Variants in SLC35F4 observed in about 807,000 individuals in gnomAD.
SLC35F4 encodes the protein solute carrier family 35 member F4, also known as chromosome 14 open reading frame 36.
SLC35F4 carries 24 observed loss-of-function variants against 44.2 expected under a neutral mutation model. The ratio of observed to expected loss-of-function variants is 0.54; its 90% CI spans 0.39 to 0.76. SLC35F4 has a LOEUF of 0.76. Among genes scored for constraint, SLC35F4 ranks in the 30% least tolerant of loss-of-function variants. SLC35F4 has a pLI of 0.00. For missense variants in SLC35F4, 562 were observed against 586.1 expected, an observed-to-expected ratio of 0.96 and a Z score of 0.42; for synonymous variants, 238 against 223.6, an observed-to-expected ratio of 1.06 and a Z score of -0.57.
chr14:57,911,486 T>C (rs1889215263), intron 1 of SLC35F4, among the ~76,000 whole-genome samples: 1 of 152,010 alleles, frequency 6.6e-6, no homozygotes, highest in African/African-American at 2.4e-5. Context: ...TGAGAGTGTT[T>C]ATCATGAATG....
chr14:57,582,780 A>C (rs238390), intron 3 of SLC35F4, among the ~76,000 whole-genome samples: 94,442 of 152,070 alleles, frequency 0.62, 29,837 homozygotes, highest in East Asian at 0.88. Flanking sequence ...AACTGAAATT[A>C]GTGTGCCTCA....
chr14:57,594,680 C>G (rs2070390200), intron 1 of SLC35F4, among the ~76,000 whole-genome samples: 1 of 152,208 alleles, frequency 6.6e-6, no homozygotes, highest in Non-Finnish European at 1.5e-5. Flanking sequence ...ATTTTCCACT[C>G]TACCCTTTTC....
intron 1 of SLC35F4, among the ~76,000 whole-genome samples, chr14:57,614,088 CATAAACAAGTT>C (rs2071667731): frequency 6.6e-6 from 1 of 152,164 alleles, no homozygotes; most frequent in African/African-American, 2.4e-5. Context: ...CATTTCCCCA[CATAAACAAGTT>C]ATAAACTGTG....
chr14:57,665,532 G>A (rs937754211), intron 1 of SLC35F4, among the ~76,000 whole-genome samples: 1 of 152,184 alleles, frequency 6.6e-6, no homozygotes, highest in Non-Finnish European at 1.5e-5. Flanking sequence ...CAGTATTCAA[G>A]ATTGATTTCG....
intron 1 of SLC35F4, among the ~76,000 whole-genome samples, chr14:57,970,629 C>A (rs1003036959): frequency 2.6e-5 from 4 of 152,116 alleles, no homozygotes; most frequent in Admixed American, 2.0e-4. Flanking sequence ...AGCGTTTTAT[C>A]CCCCCGTAGG....
At chr14:57,761,895 A>G (rs1280002884) in intron 1 of SLC35F4, among the ~76,000 whole-genome samples, 2 of 152,164 alleles carry the variant, frequency 1.3e-5, no homozygotes, top group Non-Finnish European at 2.9e-5. Flanking sequence ...TGTTACTTAA[A>G]AAAAAAGATG....
intron 1 of SLC35F4, among the ~76,000 whole-genome samples, chr14:57,720,587 T>C (rs2076058614): frequency 6.6e-6 from 1 of 152,108 alleles, no homozygotes; most frequent in South Asian, 2.1e-4. Context: ...ATTTGTCCAT[T>C]TCTTCTAGAC....
At chr14:57,662,351 G>A (rs2140240013) in intron 1 of SLC35F4, among the ~76,000 whole-genome samples, 1 of 152,272 alleles carries the variant, frequency 6.6e-6, no homozygotes, top group East Asian at 1.9e-4. Flanking sequence ...TTATATTGAG[G>A]TTTGGTCACA....
intron 1 of SLC35F4, among the ~76,000 whole-genome samples, chr14:57,644,738 A>G (rs2073421535): frequency 6.6e-6 from 1 of 152,184 alleles, no homozygotes; most frequent in African/African-American, 2.4e-5. Flanking sequence ...TAGGGTTTTT[A>G]TGGTTAGACC....
chr14:57,720,594 A>C (rs2076058774), intron 1 of SLC35F4, among the ~76,000 whole-genome samples: 1 of 152,034 alleles, frequency 6.6e-6, no homozygotes, highest in South Asian at 2.1e-4. Context: ...CATTTCTTCT[A>C]GACTGTGATG....
chr14:57,873,515 A>G (rs1888336375), intron 1 of SLC35F4, among the ~76,000 whole-genome samples: 3 of 152,228 alleles, frequency 2.0e-5, no homozygotes, highest in Admixed American at 1.3e-4. Flanking sequence ...GAAGACTACA[A>G]AGTGATGAGA....
intron 1 of SLC35F4, among the ~76,000 whole-genome samples, chr14:57,960,798 T>C (rs1226709425): frequency 1.3e-5 from 2 of 152,140 alleles, no homozygotes; most frequent in Middle Eastern, 3.4e-3. Flanking sequence ...CAGAGGCCAG[T>C]GGAAGAAGTT....
chr14:57,585,913 T>C (rs1399392213), intron 3 of SLC35F4, among the ~76,000 whole-genome samples: 5 of 152,204 alleles, frequency 3.3e-5, no homozygotes, highest in African/African-American at 1.2e-4. Flanking sequence ...AAGTAATTTA[T>C]AGATTCAATG....
chr14:57,743,833 T>C (rs1024504975), intron 1 of SLC35F4, among the ~76,000 whole-genome samples: 1 of 152,096 alleles, frequency 6.6e-6, no homozygotes, highest in Non-Finnish European at 1.5e-5. Flanking sequence ...CTCAATAAAA[T>C]ACTGGCAAAC....
chr14:57,693,974 T>G (rs1362167526), intron 1 of SLC35F4, among the ~76,000 whole-genome samples: 1 of 152,112 alleles, frequency 6.6e-6, no homozygotes, highest in Non-Finnish European at 1.5e-5. Context: ...ATGAAAAAAT[T>G]TCACCCAGTT....
intron 1 of SLC35F4, among the ~76,000 whole-genome samples, chr14:57,833,968 T>A (rs1265944467): frequency 6.6e-6 from 1 of 152,234 alleles, no homozygotes; most frequent in Non-Finnish European, 1.5e-5. Context: ...TCTCTTCACA[T>A]GTTAAAATAA....
chr14:57,915,692 GTGTTCAGTACCT>G (rs1483460638), intron 1 of SLC35F4, among the ~76,000 whole-genome samples: 1 of 152,118 alleles, frequency 6.6e-6, no homozygotes, highest in Non-Finnish European at 1.5e-5. Context: ...CTTTACTTGA[GTGTTCAGTACCT>G]TGTTCCTCAT....
intron 1 of SLC35F4, among the ~76,000 whole-genome samples, chr14:57,841,837 T>C (rs1241923623): frequency 1.3e-5 from 2 of 151,974 alleles, no homozygotes; most frequent in African/African-American, 4.8e-5. Context: ...CAAAAAAAAA[T>C]GGAAAGCTAG....
At position 57,880,146 on chromosome 14, in the gene SLC35F4, G is replaced by A. The variant is rs529360477; in HGVS notation, n.282+101767C>T. On this transcript the variant is annotated intron_variant and non_coding_transcript_variant, in intron 1 of 1. Coordinates refer to the SLC35F4 transcript ENST00000556568. Reference sequence around the variant, plus strand: ...TTTGAAATATTTTCAGGGCTTCACAGTTTCTACAGTTTCCTCATTTTTAAA... The same window carrying A: ...TTTGAAATATTTTCAGGGCTTCACAATTTCTACAGTTTCCTCATTTTTAAA... Among the ~76,000 whole-genome samples the A allele has an allele frequency of 5.3e-5, 8 of 152,126 alleles. No homozygotes were observed. In the South Asian group the frequency reaches 1.7e-3, roughly 32 times the overall value.
Sources: gnomAD v4.1 joint callset for allele counts (sites outside exome capture counted in the v4.1 genomes callset) on GRCh38, gnomAD v4.1.1 for gene constraint, MANE v1.5 for transcripts, NCBI Gene and HGNC (gene_info 2026-07-23, HGNC 2026-07-21) for gene names.